LMBRD2: variants seen among roughly 807,000 people sequenced by gnomAD.
LMBRD2 encodes the protein LMBR1 domain containing 2.
LMBRD2 carries 55 observed loss-of-function variants against 94.4 expected under a neutral mutation model. The observed-to-expected ratio is 0.58, with a 90% confidence interval of 0.47 to 0.73. LMBRD2 has a LOEUF of 0.73. Among genes scored for constraint, LMBRD2 ranks in the 30% least tolerant of loss-of-function variants. The pLI, the probability that LMBRD2 is intolerant of heterozygous loss-of-function variation, is 0.00. For missense variants in LMBRD2, 640 were observed against 831.9 expected, an observed-to-expected ratio of 0.77 and a Z score of 2.84; for synonymous variants, 246 against 272.4, an observed-to-expected ratio of 0.90 and a Z score of 0.95.
chr5:36,132,956 T>C (rs1458526840), intron 6 of LMBRD2, among the ~76,000 whole-genome samples: 1 of 150,624 alleles, frequency 6.6e-6, no homozygotes, highest in African/African-American at 2.4e-5. Flanking sequence ...TAATGTAAAT[T>C]AGTACAACTA....
At chr5:36,134,838 T>C (rs1744232774) in intron 6 of LMBRD2, among the ~76,000 whole-genome samples, 1 of 152,168 alleles carries the variant, frequency 6.6e-6, no homozygotes, top group African/African-American at 2.4e-5. Flanking sequence ...CCCTGAAGAA[T>C]TATCATTTAT....
At chr5:36,117,409 G>A (rs373596326) in intron 10 of LMBRD2, among the ~76,000 whole-genome samples, 18 of 151,914 alleles carry the variant, frequency 1.2e-4, no homozygotes, top group African/African-American at 3.1e-4. Flanking sequence ...TCTTGAGCCC[G>A]GGAAGTTGAG....
chr5:36,109,206 T>A (rs544698821), intron 15 of LMBRD2, among the ~76,000 whole-genome samples: 155 of 152,244 alleles, frequency 1.0e-3, no homozygotes, highest in African/African-American at 3.7e-3. Flanking sequence ...TTCTAAAACA[T>A]CCTTGCCAGA....
In LMBRD2 at chr5:36,122,885, T is replaced by C. The variant is rs1561516689; in HGVS notation, c.899A>G (p.Tyr300Cys). The change falls in exon 8 of 18, where the codon TAT (tyrosine) becomes TGT (cysteine). Residue 300 changes from tyrosine to cysteine, a missense_variant. Physicochemically the swap from Tyr to Cys is radical, Grantham distance 194. Coordinates refer to ENST00000296603, the MANE Select transcript of LMBRD2 (RefSeq NM_001007527.2). ...YEDFDEKHSI[Y>C]PSEKSLVKLH... is the part of the protein sequence containing the mutation. ...TTTTACCAGACTTTTTTCACTTGGATAGATACTATGCTTTTCATCAAAATC... is the reference window on the plus strand; with the variant it reads ...TTTTACCAGACTTTTTTCACTTGGACAGATACTATGCTTTTCATCAAAATC... 6.3e-7 allele frequency: 1 copy of C among 1,598,302 alleles called. No homozygotes were observed. The highest frequency in any genetic ancestry group is 1.1e-5 in the South Asian group (1 of 87,912).
intron 13 of LMBRD2, 112 bp downstream of exon 13, chr5:36,114,312 A>G (rs1743687419): frequency 7.6e-7 from 1 of 1,313,606 alleles, no homozygotes; most frequent in Admixed American, 3.6e-5. Flanking sequence ...CAGCTTCTCC[A>G]AAGCTACAAT....
intron 15 of LMBRD2, among the ~76,000 whole-genome samples, chr5:36,108,983 T>C (rs1341369902): frequency 6.6e-6 from 1 of 152,188 alleles, no homozygotes; most frequent in African/African-American, 2.4e-5. Flanking sequence ...AACAAGATTT[T>C]CTTTCACTCA....
In LMBRD2 at chr5:36,142,448, T is replaced by C. The variant is rs995762661; in HGVS notation, c.272+54A>G. The C allele has an allele frequency of 7.7e-6, 8 of 1,040,700 alleles. No homozygotes were observed. In the East Asian group the frequency reaches 1.9e-4, roughly 25 times the overall value. 64.5% of individuals were successfully genotyped at this position (1,040,700 alleles called of 1,614,324 possible). Reference sequence around the variant, plus strand: ...TCTGGATGGTAAAAACTTTCAATTTTTAAACAATGTGTCCCCTACAATGTT... The same window carrying C: ...TCTGGATGGTAAAAACTTTCAATTTCTAAACAATGTGTCCCCTACAATGTT... On this transcript the variant is annotated intron_variant, in intron 3 of 17. Transcript: ENST00000296603.
At chr5:36,105,324 A>G in intron 16 of LMBRD2, 127 bp from the exon 17 acceptor site, 1 of 804,094 alleles carries the variant, frequency 1.2e-6, no homozygotes. Flanking sequence ...ATAAGAAAAG[A>G]TAACTACATG....
At chr5:36,140,576 T>C (rs1744383291) in intron 4 of LMBRD2, among the ~76,000 whole-genome samples, 2 of 152,100 alleles carry the variant, frequency 1.3e-5, no homozygotes, top group South Asian at 4.1e-4. Context: ...GTATGTAGAT[T>C]TGTTGGTGAG....
chr5:36,150,239 A>C (rs1317042622), intron 1 of LMBRD2, among the ~76,000 whole-genome samples: 1 of 152,228 alleles, frequency 6.6e-6, no homozygotes, highest in African/African-American at 2.4e-5. Context: ...TCACTAATTC[A>C]GATGTTGCAA....
intron 8 of LMBRD2, 134 bp from the exon 9 acceptor site, chr5:36,122,597 T>C (rs1743912646): frequency 1.1e-6 from 1 of 882,792 alleles, no homozygotes; most frequent in Non-Finnish European, 1.7e-6. Context: ...GCTGAGAATA[T>C]TAATGTTCCA....
intron 3 of LMBRD2, among the ~76,000 whole-genome samples, chr5:36,141,654 A>T (rs1258605541): frequency 1.3e-5 from 2 of 151,996 alleles, no homozygotes; most frequent in Non-Finnish European, 2.9e-5. Flanking sequence ...GAAAATTGTA[A>T]TGCTAATTAA....
intron 4 of LMBRD2, 162 bp downstream of exon 4, chr5:36,140,945 G>A (rs1744393889): frequency 7.6e-6 from 4 of 523,034 alleles, no homozygotes; most frequent in Non-Finnish European, 1.4e-5. Context: ...TTAGTAGACA[G>A]TGGATAACTA....
chr5:36,139,126 C>A (rs1744342676), intron 4 of LMBRD2, among the ~76,000 whole-genome samples: 1 of 152,348 alleles, frequency 6.6e-6, no homozygotes, highest in African/African-American at 2.4e-5. Flanking sequence ...TTCGGGGACC[C>A]AGAAAGCCCC....
chr5:36,105,876 A>G (rs1161007474), intron 16 of LMBRD2, among the ~76,000 whole-genome samples: 1 of 152,172 alleles, frequency 6.6e-6, no homozygotes, highest in African/African-American at 2.4e-5. Flanking sequence ...AGGGATTTCT[A>G]TATAAACAAA....
chr5:36,108,638 TC>T lies in LMBRD2; in HGVS notation c.1792del (p.Glu598AsnfsTer52), dbSNP rs769522883. ...RQEEGENRRR[E>X]WKERYGHNRE... ...ATTGTGTCCATAACGTTCTTTCCAT[TC>T]CTAGAAAAGAAGCACAAATAATCAT... On this transcript the variant is annotated frameshift_variant and splice_region_variant, in exon 16 of 18. Coordinates refer to ENST00000296603, the MANE Select transcript of LMBRD2 (RefSeq NM_001007527.2). LOFTEE classifies it high-confidence loss of function. The T allele has an allele frequency of 4.8e-6, 7 of 1,464,236 alleles. No individual in the cohort carries two copies. Among genetic ancestry groups the T allele is most frequent in the Non-Finnish European group, 6.5e-6 (7 of 1,072,368 alleles). 90.7% of individuals were successfully genotyped at this position (1,464,236 alleles called of 1,614,324 possible). A position where few individuals can be genotyped will look rare whatever the true frequency, so the allele number is the denominator to read the frequency against.
At chr5:36,139,148 A>G (rs1744343341) in intron 4 of LMBRD2, among the ~76,000 whole-genome samples, 1 of 152,216 alleles carries the variant, frequency 6.6e-6, no homozygotes. Context: ...ATACCCCTAC[A>G]GGCTTGGAAG....
At chr5:36,115,538 A>T (rs1233696862) in intron 11 of LMBRD2, among the ~76,000 whole-genome samples, 1 of 152,252 alleles carries the variant, frequency 6.6e-6, no homozygotes, top group African/African-American at 2.4e-5. Flanking sequence ...AAGCACAGAT[A>T]TAAAGTTGTT....
chr5:36,126,243 A>G (rs1378976093), intron 6 of LMBRD2, among the ~76,000 whole-genome samples: 3 of 152,250 alleles, frequency 2.0e-5, no homozygotes, highest in African/African-American at 7.2e-5. Flanking sequence ...TACTTTTAAT[A>G]TGAACTAAAC....
Sources: allele counts gnomAD v4.1 joint callset (sites outside exome capture counted in the v4.1 genomes callset), GRCh38; gene constraint gnomAD v4.1.1; transcripts MANE v1.5; gene names NCBI Gene and HGNC (gene_info 2026-07-23, HGNC 2026-07-21).